The following CCDC14 variants were observed in gnomAD, a reference collection of about 807,000 sequenced individuals.
CCDC14 encodes the protein coiled-coil domain-containing protein 14.
Under a neutral mutation model 81.4 loss-of-function variants are expected in CCDC14, and 71 were observed. That is an observed-to-expected ratio of 0.87 (90% CI 0.72 to 1.06). The LOEUF is 1.06. Among genes scored for constraint, CCDC14 ranks in the 50% least tolerant of loss-of-function variants. CCDC14 has a pLI of 0.00. For synonymous variants in CCDC14, 332 were observed against 364.8 expected (o/e 0.91, Z 1.03); for missense variants, 1,046 against 1,047.3 (o/e 1.00, Z 0.02).
intron 10 of CCDC14, among the ~76,000 whole-genome samples, chr3:123,933,129 C>CAAACAAACAAACAAAA (rs60220911): frequency 6.4e-4 from 97 of 150,730 alleles, no homozygotes; most frequent in Middle Eastern, 3.5e-3. Context: ...AACAAACAAA[C>CAAACAAACAAACAAAA]AAAGCTGACA....
rs2034587549 is a variant in CCDC14 at position 123,915,191 on chromosome 3, G to T, written c.2306C>A (p.Ala769Asp). The change falls in exon 13 of 13, where the codon GCT becomes GAT. Residue 769 changes from alanine to aspartate, a missense_variant. Transcript: ENST00000409697. ...CAGTTTATTTTCTTTTCCAGAGACA[G>T]CAAGTCCGCTGTTGCTGACTAGCTG... is the stretch of plus-strand genomic sequence containing the variant. ...TTQLVSNSGL[A>D]VSGKENKLCT... is the part of the protein sequence containing the mutation. 1 of 1,613,702 alleles carries T rather than the reference G, an allele frequency of 6.2e-7. No individual in the cohort carries two copies. The highest frequency in any genetic ancestry group is 8.5e-7 in the Non-Finnish European group (1 of 1,179,718).
At chr3:123,901,149 T>A (rs1295382696) in intron 5 of CCDC14, among the ~76,000 whole-genome samples, 1 of 151,864 alleles carries the variant, frequency 6.6e-6, no homozygotes, top group Non-Finnish European at 1.5e-5. Flanking sequence ...GGAGAATCAC[T>A]TGAACCCAGG....
At chr3:123,953,057 C>G (rs2037119909) in intron 5 of CCDC14, 1 of 155,744 alleles carries the variant, frequency 6.4e-6, no homozygotes, top group African/African-American at 2.4e-5. Flanking sequence ...CGGCTGTAAT[C>G]CAAATAAGAA....
At chr3:123,960,475 C>A (rs1261890285) in intron 1 of CCDC14, among the ~76,000 whole-genome samples, 1 of 152,140 alleles carries the variant, frequency 6.6e-6, no homozygotes, top group Non-Finnish European at 1.5e-5. Context: ...TATTTGAATC[C>A]TCCAGCCCTC....
At chr3:123,915,745 T>A in intron 12 of CCDC14, 27 bp from the exon 13 acceptor site, 3 of 1,483,802 alleles carry the variant, frequency 2.0e-6, no homozygotes, top group South Asian at 2.6e-5. Flanking sequence ...AGAACACTAA[T>A]TATTATTTTT....
the CCDC14 span, among the ~76,000 whole-genome samples, chr3:123,886,631 C>T: frequency 6.6e-5 from 10 of 152,036 alleles, no homozygotes; most frequent in African/African-American, 1.9e-4. Context: ...CTCTTGACCT[C>T]GTGATCTGCC....
chr3:123,941,879 A>C (rs1187551970), intron 9 of CCDC14, among the ~76,000 whole-genome samples: 1 of 152,102 alleles, frequency 6.6e-6, no homozygotes, highest in African/African-American at 2.4e-5. Flanking sequence ...GAACCGAAAT[A>C]AATAAGAACC....
chr3:123,893,156 A>G (rs1214621642), downstream of CCDC14, among the ~76,000 whole-genome samples: 1 of 152,190 alleles, frequency 6.6e-6, no homozygotes, highest in East Asian at 1.9e-4. Context: ...TACATTCACC[A>G]TATTGTGTAA....
intron 9 of CCDC14, among the ~76,000 whole-genome samples, chr3:123,943,085 GGT>G (rs967254722): frequency 5.3e-5 from 8 of 151,062 alleles, no homozygotes; most frequent in African/African-American, 1.2e-4. Context: ...AAATGTGTGT[GGT>G]GTGTGTGTAT....
downstream of CCDC14, among the ~76,000 whole-genome samples, chr3:123,893,647 C>T (rs994939753): frequency 7.2e-5 from 11 of 152,060 alleles, no homozygotes; most frequent in South Asian, 6.2e-4. Flanking sequence ...GAGAAACCAC[C>T]GAACTGTTTC....
chr3:123,899,491 G>A (rs1427671763), intron 5 of CCDC14, among the ~76,000 whole-genome samples: 2 of 152,168 alleles, frequency 1.3e-5, no homozygotes, highest in African/African-American at 4.8e-5. Flanking sequence ...CCAGCCTCCT[G>A]GCTCCCAGGT....
chr3:123,894,202 C>T (rs2034028784), downstream of CCDC14, among the ~76,000 whole-genome samples: 1 of 152,172 alleles, frequency 6.6e-6, no homozygotes, highest in South Asian at 2.1e-4. Flanking sequence ...CAGTTTTCCA[C>T]CACCATTTGT....
At chr3:123,930,451 T>C (rs2035628565) in intron 12 of CCDC14, among the ~76,000 whole-genome samples, 1 of 152,210 alleles carries the variant, frequency 6.6e-6, no homozygotes, top group Non-Finnish European at 1.5e-5. Context: ...TAAAAAGCAG[T>C]TGAGAATCCA....
chr3:123,887,185 A>G, the CCDC14 span, among the ~76,000 whole-genome samples: 1 of 152,136 alleles, frequency 6.6e-6, no homozygotes, highest in African/African-American at 2.4e-5. Context: ...TAATCTTCCT[A>G]TTTAACCCTA....
chr3:123,924,851 C>T (rs973379121), intron 12 of CCDC14, among the ~76,000 whole-genome samples: 1 of 151,726 alleles, frequency 6.6e-6, no homozygotes, highest in Non-Finnish European at 1.5e-5. Flanking sequence ...ATGGAAGCTC[C>T]TCAAAAATGT....
At position 123,949,137 on chromosome 3, in the gene CCDC14, T is replaced by G. The variant is rs762659914; in HGVS notation, c.353-5A>C. The G allele has an allele frequency of 2.6e-6, 4 of 1,546,712 alleles. No homozygotes were observed. The highest frequency in any genetic ancestry group is 1.4e-5 in the African/African-American group (1 of 73,438). ...GTTTCTTATTATCTGAAGATGCTAATGTGGAAGAAGAAAAAAGTTCTTGAA... is the reference window on the plus strand; with the variant it reads ...GTTTCTTATTATCTGAAGATGCTAAGGTGGAAGAAGAAAAAAGTTCTTGAA... On this transcript the variant is annotated splice_polypyrimidine_tract_variant and splice_region_variant and intron_variant, in intron 5 of 12. Transcript: ENST00000409697.
chr3:123,929,840 T>C (rs2035598203), intron 12 of CCDC14, among the ~76,000 whole-genome samples: 1 of 152,234 alleles, frequency 6.6e-6, no homozygotes, highest in Non-Finnish European at 1.5e-5. Flanking sequence ...ACATTTCGTA[T>C]AAATGGAATC....
the CCDC14 span, among the ~76,000 whole-genome samples, chr3:123,889,422 A>G: frequency 6.6e-6 from 1 of 152,192 alleles, no homozygotes; most frequent in Non-Finnish European, 1.5e-5. Flanking sequence ...AAATAAAAAA[A>G]AGGGAGAAAT....
intron 7 of CCDC14, 91 bp downstream of exon 7, chr3:123,948,600 G>T: frequency 1.1e-6 from 1 of 943,942 alleles, no homozygotes; most frequent in Non-Finnish European, 1.6e-6. Context: ...AAATCCTAGT[G>T]CATTAAGTTA....
Sources: gnomAD v4.1 joint callset for allele counts (sites outside exome capture counted in the v4.1 genomes callset) on GRCh38, gnomAD v4.1.1 for gene constraint, MANE v1.5 for transcripts, NCBI Gene and HGNC (gene_info 2026-07-23, HGNC 2026-07-21) for gene names.